PEX14: variants seen among roughly 807,000 people sequenced by gnomAD.
The protein encoded by PEX14 is peroxisomal membrane protein PEX14.
Under a neutral mutation model 49.5 loss-of-function variants are expected in PEX14, and 15 were observed. That is an observed-to-expected ratio of 0.30 (90% CI 0.20 to 0.47). The LOEUF is 0.47. Ranked by LOEUF, PEX14 falls within the 20% of genes least tolerant of loss-of-function variation. PEX14 has a pLI of 1.00. For missense variants in PEX14, 398 were observed against 494.8 expected, an observed-to-expected ratio of 0.80 and a Z score of 1.86; for synonymous variants, 210 against 212.7, an observed-to-expected ratio of 0.99 and a Z score of 0.11.
intron 2 of PEX14, among the ~76,000 whole-genome samples, chr1:10,497,498 C>T (rs1402547067): frequency 6.6e-6 from 1 of 152,214 alleles, no homozygotes; most frequent in Admixed American, 6.5e-5. Context: ...TAAAACTAAA[C>T]CTTGTTCTTG....
intron 4 of PEX14, among the ~76,000 whole-genome samples, chr1:10,612,653 G>C (rs1641305938): frequency 6.6e-6 from 1 of 152,036 alleles, no homozygotes. Flanking sequence ...TGTGCTTCAG[G>C]GCCCACCCCG....
chr1:10,598,852 C>T (rs946481990), intron 3 of PEX14, among the ~76,000 whole-genome samples: 8 of 150,850 alleles, frequency 5.3e-5, no homozygotes, highest in African/African-American at 1.2e-4. Context: ...TGTCTGTTTT[C>T]GTGCATTATT....
intron 1 of PEX14, among the ~76,000 whole-genome samples, chr1:10,475,247 T>A (rs1318718602): frequency 6.7e-6 from 1 of 150,056 alleles, no homozygotes; most frequent in Non-Finnish European, 1.5e-5. Context: ...GGTCCCCACT[T>A]CCCGCCTGCC....
rs989006285 is a variant in PEX14 at position 10,628,928 on chromosome 1, A to G, written c.678-603A>G. On this transcript the variant is annotated intron_variant, in intron 8 of 8. Transcript: ENST00000356607. This position sits in a 1 kb window ranked among gnomAD's most constrained non-coding sequence, Gnocchi z 4.5. ...GTTTGGGCTGGCTGCTGGCCCAGGA[A>G]CGGAGTACGGAGCAGAAGGGAGAGC... Among the ~76,000 whole-genome samples, 5 of 152,196 alleles carry G rather than the reference A, an allele frequency of 3.3e-5. No individual in the cohort carries two copies. The highest frequency in any genetic ancestry group is 1.2e-4 in the African/African-American group (5 of 41,444).
chr1:10,621,362 T>G (rs1408195483), intron 5 of PEX14, among the ~76,000 whole-genome samples: 1 of 149,640 alleles, frequency 6.7e-6, no homozygotes, highest in Non-Finnish European at 1.5e-5. Flanking sequence ...TTTTTTTTTT[T>G]TTGAGACACA....
intron 2 of PEX14, among the ~76,000 whole-genome samples, chr1:10,505,500 CTTG>C (rs1422337572): frequency 6.6e-6 from 1 of 151,870 alleles, no homozygotes; most frequent in African/African-American, 2.4e-5. Context: ...TTTGCTGTAT[CTTG>C]TTGTCTTGTG....
intron 5 of PEX14, among the ~76,000 whole-genome samples, chr1:10,620,199 C>T (rs1181299189): frequency 6.6e-6 from 1 of 152,070 alleles, no homozygotes; most frequent in East Asian, 1.9e-4. Context: ...CCTCTAATCC[C>T]AGTACTTTGG....
At chr1:10,485,442 G>C (rs1388690699) in intron 1 of PEX14, among the ~76,000 whole-genome samples, 2 of 150,324 alleles carry the variant, frequency 1.3e-5, no homozygotes, top group Non-Finnish European at 2.9e-5. Context: ...TCAGCCTCCT[G>C]AGTAGCTAAG....
In PEX14 at chr1:10,613,690, T is replaced by A. The variant is rs1304915945; in HGVS notation, c.299-4642T>A. ...GTGAGAGTGAAGATATCGCCTGTTC[T>A]TGGATTCTTTGGGGCTCACAAAGCC... On this transcript the variant is annotated intron_variant, in intron 4 of 8. Coordinates refer to ENST00000356607, the MANE Select transcript of PEX14 (RefSeq NM_004565.3). The surrounding 1 kb of genome is among the most constrained non-coding windows in gnomAD (Gnocchi z 5.0). Among the ~76,000 whole-genome samples the A allele has an allele frequency of 6.6e-6, 1 of 152,172 alleles. No individual in the cohort carries two copies. The highest frequency in any genetic ancestry group is 1.9e-4 in the East Asian group (1 of 5,194).
chr1:10,595,903 G>A (rs1640820709), intron 3 of PEX14, among the ~76,000 whole-genome samples: 1 of 152,214 alleles, frequency 6.6e-6, no homozygotes, highest in Admixed American at 6.5e-5. Context: ...AGCTTTCAGA[G>A]CCAAATATAA....
chr1:10,594,606 G>A (rs1640780282), intron 3 of PEX14, among the ~76,000 whole-genome samples: 1 of 152,210 alleles, frequency 6.6e-6, no homozygotes, highest in African/African-American at 2.4e-5. Flanking sequence ...TGTTTGACCT[G>A]AAAGATGAAG....
rs114273750 is a variant in PEX14 at position 10,589,119 on chromosome 1, C to T, written c.170-10119C>T. Among the ~76,000 whole-genome samples the T allele has an allele frequency of 4.2e-3, 637 of 152,234 alleles. 7 individuals carry two copies. Among genetic ancestry groups the T allele is most frequent in the African/African-American group, 0.015 (611 of 41,526 alleles). On this transcript the variant is annotated intron_variant, in intron 3 of 8. Coordinates refer to ENST00000356607, the MANE Select transcript of PEX14 (RefSeq NM_004565.3). ...TTTTAAAAATAATTGTTAAAAGTCC[C>T]TTAGAAAGATGTTCTCTCAGTAAGT...
chr1:10,533,102 A>G (rs1263807106), intron 2 of PEX14, among the ~76,000 whole-genome samples: 1 of 152,094 alleles, frequency 6.6e-6, no homozygotes, highest in Non-Finnish European at 1.5e-5. Context: ...CTGAAGAAAT[A>G]ATTAGTGAAA....
chr1:10,479,406 A>G (rs1203480819), intron 1 of PEX14, among the ~76,000 whole-genome samples: 2 of 151,814 alleles, frequency 1.3e-5, no homozygotes, highest in Non-Finnish European at 2.9e-5. Flanking sequence ...AGAGAGAGAA[A>G]GTGCTGAGAT....
intron 3 of PEX14, among the ~76,000 whole-genome samples, chr1:10,599,031 T>C (rs1640906509): frequency 6.6e-6 from 1 of 152,196 alleles, no homozygotes; most frequent in Admixed American, 6.5e-5. Context: ...ATGAGCCACA[T>C]TTGGAAGCAG....
intron 2 of PEX14, among the ~76,000 whole-genome samples, chr1:10,505,361 T>G (rs1222811481): frequency 6.6e-6 from 1 of 152,072 alleles, no homozygotes; most frequent in Non-Finnish European, 1.5e-5. Flanking sequence ...TCCCAGCTAC[T>G]CTGGAGGCTG....
intron 2 of PEX14, among the ~76,000 whole-genome samples, chr1:10,504,086 G>A (rs780394366): frequency 6.6e-6 from 1 of 152,110 alleles, no homozygotes; most frequent in Non-Finnish European, 1.5e-5. Flanking sequence ...GTCAAACCAC[G>A]CAGAATGATT....
At chr1:10,578,248 G>A (rs1640208936) in intron 3 of PEX14, among the ~76,000 whole-genome samples, 1 of 152,192 alleles carries the variant, frequency 6.6e-6, no homozygotes, top group African/African-American at 2.4e-5. Context: ...GCTGCCTGCT[G>A]TGGGAGAGAG....
chr1:10,618,422 G>A lies in PEX14; in HGVS notation c.384+5G>A. On this transcript the variant is annotated splice_donor_5th_base_variant and intron_variant, in intron 5 of 8. Coordinates refer to ENST00000356607, the MANE Select transcript of PEX14 (RefSeq NM_004565.3). ...GGCTTTCACCAGCTCTACAAGGTGA[G>A]TCACCCCCAGCGGCTGCAGGTGCTG... The A allele has an allele frequency of 6.2e-7, 1 of 1,607,952 alleles. No homozygotes were observed. The highest frequency in any genetic ancestry group is 8.5e-7 in the Non-Finnish European group (1 of 1,175,120).
Sources: gnomAD v4.1 joint callset for allele counts (sites outside exome capture counted in the v4.1 genomes callset) on GRCh38, gnomAD v4.1.1 for gene constraint, Gnocchi (gnomAD v3.1) non-coding constraint, MANE v1.5 for transcripts, NCBI Gene and HGNC (gene_info 2026-07-23, HGNC 2026-07-21) for gene names.